The following CYP11B1 variants were observed in gnomAD, a reference collection of about 807,000 sequenced individuals.
CYP11B1 encodes the protein cytochrome P450 family 11 subfamily B member 1, also known as cytochrome P450 11B1, mitochondrial.
Under a neutral mutation model 48.3 loss-of-function variants are expected in CYP11B1, and 34 were observed. The observed-to-expected ratio is 0.70, with a 90% CI of 0.54 to 0.94. The LOEUF is 0.94. Among genes scored for constraint, CYP11B1 ranks in the 40% least tolerant of loss-of-function variants. The probability of loss-of-function intolerance (pLI) is 0.00; values close to 1 mark genes in which losing one functional copy is unlikely to be tolerated. For synonymous variants in CYP11B1, 291 were observed against 262.5 expected (o/e 1.11, Z -1.05); for missense variants, 688 against 657.4 (o/e 1.05, Z -0.51).
chr8:142,878,616 G>A lies in CYP11B1; in HGVS notation c.395+416C>T, dbSNP rs180922707. Among the ~76,000 whole-genome samples the A allele has an allele frequency of 1.0e-3, 157 of 152,336 alleles. 1 individual carries two copies. Among genetic ancestry groups the A allele is most frequent in the African/African-American group, 3.5e-3 (145 of 41,574 alleles). ...GGACTGCAGGGACCCTGAGCGCCCT[G>A]AGGGAGGCTGCGGCCCCGGCGAACA... On this transcript the variant is annotated intron_variant, in intron 2 of 8. Coordinates refer to ENST00000292427, the MANE Select transcript of CYP11B1 (RefSeq NM_000497.4).
intron 1 of CYP11B1, 173 bp downstream of exon 1, chr8:142,879,402 T>TCC (rs756668808): frequency 6.8e-6 from 11 of 1,612,248 alleles, no homozygotes; most frequent in Non-Finnish European, 7.6e-6. Flanking sequence ...CTCTGCACCA[T>TCC]CCCCTGCCCT....
chr8:142,879,513 G>A, intron 1 of CYP11B1, 62 bp downstream of exon 1: 1 of 1,614,130 alleles, frequency 6.2e-7, no homozygotes, highest in African/African-American at 1.3e-5. Context: ...GTGCCCGGCA[G>A]GGTCCTGGGC....
rs1425766179 is a variant in CYP11B1 at position 142,877,164 on chromosome 8, T to G, written c.454A>C (p.Asn152His). The G allele has an allele frequency of 3.7e-6, 6 of 1,614,018 alleles. No individual in the cohort carries two copies. The African/African-American group carries it at 6.7e-5, about 18-fold the overall frequency. ...ATCGGGAGGAACCTCTGCACAGCGT[T>G]GGGCGACAGCACTTCTGGATTCAGC... ...LRLNPEVLSP[N>H]AVQRFLPMVD... The change falls in exon 3 of 9, where the codon AAC becomes CAC. Residue 152 changes from asparagine to histidine, a missense_variant. Transcript: ENST00000292427.
intron 2 of CYP11B1, chr8:142,877,660 T>TG: frequency 2.3e-6 from 3 of 1,328,378 alleles, no homozygotes; most frequent in Non-Finnish European, 3.1e-6. Flanking sequence ...CGCCCTTCCC[T>TG]GCCCTGGGCA....
Position 142,873,701 on chromosome 8 carries a change from G to C in CYP11B1, c.*672C>G, listed in dbSNP as rs867874898. 6.4e-6 allele frequency: 1 copy of C among 156,450 alleles called. No homozygotes were observed. The highest frequency in any genetic ancestry group is 1.4e-5 in the Non-Finnish European group (1 of 70,552). The allele number at this position is 156,450 out of a possible 1,614,324, so 9.7% of individuals were successfully genotyped here. A position where few individuals can be genotyped will look rare whatever the true frequency, so the allele number is the denominator to read the frequency against. On this transcript the variant is annotated 3_prime_UTR_variant, in exon 9 of 9. Transcript: ENST00000292427. ...AACACCCACTCCTGGAACAAGGCCT[G>C]GTCCATGAAAGATGAGGCCTGGGGC...
rs193922541 is a variant in CYP11B1 at position 142,876,680 on chromosome 8, A to G, written c.799+2T>C. The G allele has an allele frequency of 6.2e-7, 1 of 1,607,676 alleles. No homozygotes were observed. Among genetic ancestry groups the G allele is most frequent in the Non-Finnish European group, 8.5e-7 (1 of 1,177,362 alleles). On this transcript the variant is annotated splice_donor_variant, in intron 4 of 8. Coordinates refer to ENST00000292427, the MANE Select transcript of CYP11B1 (RefSeq NM_000497.4). LOFTEE classifies it high-confidence loss of function. ...TAGCACTGCCCGGGTCCCTGGCCTCACCGTACTGGAAGATGCAGTCCCAGG... is the reference window on the plus strand; with the variant it reads ...TAGCACTGCCCGGGTCCCTGGCCTCGCCGTACTGGAAGATGCAGTCCCAGG...
At chr8:142,879,243 C>A in intron 1 of CYP11B1, 56 bp from the exon 2 acceptor site, 3 of 1,612,416 alleles carry the variant, frequency 1.9e-6, no homozygotes, top group Non-Finnish European at 2.5e-6. Context: ...GCTAGCCCCA[C>A]CCTGCAGTCC....
chr8:142,875,703 A>C lies in CYP11B1; in HGVS notation c.1121+9T>G. 1 of 1,613,454 alleles carries C rather than the reference A, an allele frequency of 6.2e-7. No homozygotes were observed. The highest frequency in any genetic ancestry group is 2.2e-5 in the East Asian group (1 of 44,824). Reference sequence around the variant, plus strand: ...CCAGGGCCACAGGGAGGCCTCAGCCAGCACCCACCGCAAGGTCTCCTTGAG... The same window carrying C: ...CCAGGGCCACAGGGAGGCCTCAGCCCGCACCCACCGCAAGGTCTCCTTGAG... On this transcript the variant is annotated intron_variant, in intron 6 of 8. Transcript: ENST00000292427.
At chr8:142,875,673 G>C in intron 6 of CYP11B1, 39 bp downstream of exon 6, 1 of 1,610,200 alleles carries the variant, frequency 6.2e-7, no homozygotes, top group Non-Finnish European at 8.5e-7. Flanking sequence ...CTCTCCAGCA[G>C]GGGGCCAGGG....
At position 142,877,069 on chromosome 8, in the gene CYP11B1, G is replaced by C; in HGVS notation, c.549C>G (p.Ser183Arg). The change falls in exon 3 of 9, where the codon AGC becomes AGG. Residue 183 changes from serine (S) to arginine (R), a missense_variant. By Grantham distance (110) the Ser-to-Arg change is moderately radical. Transcript: ENST00000292427. The part of the protein sequence containing the change: ...KKKVLQNARG[S>R]LTLDVQPSIF... The stretch of plus-strand genomic sequence containing the variant: ...TGCTGGGCTGGACGTCCAGGGTCAG[G>C]CTCCCCCGGGCGTTCTGCAGCACCT... 6.2e-7 allele frequency: 1 copy of C among 1,613,854 alleles called. No individual in the cohort carries two copies. Among genetic ancestry groups the C allele is most frequent in the African/African-American group, 1.3e-5 (1 of 75,010 alleles).
In CYP11B1 at chr8:142,875,864, C is replaced by G; in HGVS notation, c.969G>C (p.Leu323Phe). ...AGSVDTTVFPLLMTLFELARN... is the reference protein window; with the variant it reads ...AGSVDTTVFPFLMTLFELARN... ...GAGCCAGCTCAAAGAGCGTCATCAG[C>G]AAGGGAAACACCGTCTGCAGGAGAC... Residue 323 changes from leucine (L) to phenylalanine (F), a missense_variant, in exon 6 of 9, where the codon TTG (leucine) becomes TTC (phenylalanine). Coordinates refer to ENST00000292427, the MANE Select transcript of CYP11B1 (RefSeq NM_000497.4). 6.2e-7 allele frequency: 1 copy of G among 1,614,138 alleles called. No individual in the cohort carries two copies. Among genetic ancestry groups the G allele is most frequent in the Non-Finnish European group, 8.5e-7 (1 of 1,180,010 alleles).
Position 142,875,148 on chromosome 8 carries a change from C to A in CYP11B1, c.1207G>T (p.Val403Leu), listed in dbSNP as rs754941958. ...QNYHIPAGTL[V>L]RVFLYSLGRN... ...CCCAGAGAGTAGAGGAACACGCGCA[C>A]CAATGTCTGCGGACGGTGCAGAGCG... The change falls in exon 8 of 9, where the codon GTG becomes TTG. Residue 403 changes from valine to leucine, a missense_variant. Physicochemically the swap from Val to Leu is conservative, Grantham distance 32. Transcript: ENST00000292427. 5 of 1,614,260 alleles carry A rather than the reference C, an allele frequency of 3.1e-6. No individual in the cohort carries two copies. The highest frequency in any genetic ancestry group is 4.2e-6 in the Non-Finnish European group (5 of 1,180,052).
At chr8:142,877,494 C>T (rs1431820955) in intron 2 of CYP11B1, among the ~76,000 whole-genome samples, 5 of 152,208 alleles carry the variant, frequency 3.3e-5, no homozygotes, top group East Asian at 3.8e-4. Context: ...CGGGACCTGG[C>T]ACCCCAAGTC....
Position 142,879,138 on chromosome 8 carries a change from C to T in CYP11B1, c.289G>A (p.Val97Met), listed in dbSNP as rs200867786. Residue 97 changes from valine (V) to methionine (M), a missense_variant, in exon 2 of 9, where the codon GTG (valine) becomes ATG (methionine). Physicochemically the swap from Val to Met is conservative, Grantham distance 21. Transcript: ENST00000292427. ...CTGTCCACCTGTTGCAGCTTCTCCA[C>T]GTCCTCCGGCAGCATCACACACACC... The part of the protein sequence containing the change: ...GMVCVMLPED[V>M]EKLQQVDSLH... The T allele has an allele frequency of 1.7e-5, 28 of 1,614,016 alleles. No homozygotes were observed. In the East Asian group the frequency reaches 2.5e-4, roughly 14 times the overall value.
chr8:142,876,181 A>G, intron 5 of CYP11B1, 60 bp downstream of exon 5: 1 of 1,610,266 alleles, frequency 6.2e-7, no homozygotes, highest in Non-Finnish European at 8.5e-7. Context: ...ATTGGCAGGC[A>G]GTGCCTGGGA....
intron 5 of CYP11B1, 30 bp downstream of exon 5, chr8:142,876,211 T>C: frequency 6.2e-7 from 1 of 1,613,976 alleles, no homozygotes; most frequent in Admixed American, 1.7e-5. Flanking sequence ...GGCATCACCC[T>C]CTCTGGGTGG....
At chr8:142,876,967 C>T (rs1471991456) in intron 3 of CYP11B1, 56 bp downstream of exon 3, 3 of 1,612,304 alleles carry the variant, frequency 1.9e-6, no homozygotes, top group Middle Eastern at 1.7e-4. Context: ...GTCCCCCATC[C>T]CCGTCCCTGG....
intron 8 of CYP11B1, 133 bp downstream of exon 8, chr8:142,874,824 C>T: frequency 8.6e-7 from 1 of 1,160,014 alleles, no homozygotes; most frequent in Non-Finnish European, 1.2e-6. Context: ...CAGGTTCTCC[C>T]AGTACCGGCT....
chr8:142,876,126 GT>G (rs1816939350), intron 5 of CYP11B1, 114 bp downstream of exon 5: 1 of 1,426,988 alleles, frequency 7.0e-7, no homozygotes, highest in African/African-American at 1.4e-5. Flanking sequence ...AGTAAGAAAT[GT>G]GGGGCCCATA....
Sources: gnomAD v4.1 joint callset for allele counts (sites outside exome capture counted in the v4.1 genomes callset) on GRCh38, gnomAD v4.1.1 for gene constraint, MANE v1.5 for transcripts, NCBI Gene and HGNC (gene_info 2026-07-23, HGNC 2026-07-21) for gene names.